Variants in TENM2 observed in about 807,000 individuals in gnomAD.
TENM2 encodes teneurin-2.
Under a neutral mutation model 245.2 loss-of-function variants are expected in TENM2, and 52 were observed. The observed-to-expected ratio is 0.21, with a 90% CI of 0.17 to 0.27. The LOEUF (loss-of-function observed/expected upper bound fraction) is 0.27, where lower values mean the gene tolerates loss of function less well. Among genes scored for constraint, TENM2 ranks in the 10% least tolerant of loss-of-function variants. The pLI is 1.00. For synonymous variants in TENM2, 1,363 were observed against 1,438.9 expected (o/e 0.95, Z 1.19); for missense variants, 3,046 against 3,666.8 (o/e 0.83, Z 4.37).
intron 2 of TENM2, among the ~76,000 whole-genome samples, chr5:167,730,480 G>A (rs1211182992): frequency 6.6e-6 from 1 of 152,150 alleles, no homozygotes; most frequent in African/African-American, 2.4e-5. Context: ...GTTGTAGGTG[G>A]TGGATCATGT....
At chr5:167,415,698 A>C (rs1157454554) in intron 2 of TENM2, among the ~76,000 whole-genome samples, 4 of 152,056 alleles carry the variant, frequency 2.6e-5, no homozygotes, top group Non-Finnish European at 2.9e-5. Context: ...TTTTGAAAAA[A>C]TTCTATGGTT....
chr5:168,130,104 A>G (rs1215835171), intron 12 of TENM2: 1 of 152,242 alleles, frequency 6.6e-6, no homozygotes, highest in East Asian at 1.9e-4. Flanking sequence ...AAAAAGAGAA[A>G]TGGGGAAAAA....
chr5:167,607,956 G>GT (rs927247189), intron 2 of TENM2, among the ~76,000 whole-genome samples: 5 of 151,882 alleles, frequency 3.3e-5, no homozygotes, highest in East Asian at 3.9e-4. Flanking sequence ...CTTTTACCCA[G>GT]TTTTTTTTCC....
chr5:167,434,468 T>C (rs1434756109), intron 2 of TENM2, among the ~76,000 whole-genome samples: 1 of 148,020 alleles, frequency 6.8e-6, no homozygotes, highest in African/African-American at 2.5e-5. Flanking sequence ...TAGGAAAACA[T>C]TTTTAAACTA....
chr5:167,735,722 C>T (rs1369272125), intron 2 of TENM2, among the ~76,000 whole-genome samples: 1 of 152,190 alleles, frequency 6.6e-6, no homozygotes, highest in Non-Finnish European at 1.5e-5. Flanking sequence ...TGGAGGATCA[C>T]TTGAGCCTAG....
At chr5:167,593,428 A>T (rs1212784800) in intron 2 of TENM2, among the ~76,000 whole-genome samples, 1 of 152,192 alleles carries the variant, frequency 6.6e-6, no homozygotes, top group Non-Finnish European at 1.5e-5. Context: ...TTTCTTATGA[A>T]CATAAATTCT....
At chr5:167,327,889 C>T (rs977727570) in intron 1 of TENM2, among the ~76,000 whole-genome samples, 1 of 152,100 alleles carries the variant, frequency 6.6e-6, no homozygotes, top group Admixed American at 6.6e-5. Context: ...TTCTGCAAAA[C>T]GAATTGACTC....
rs72645749 is a variant in TENM2 at position 167,330,114 on chromosome 5, A to T, written c.226+45051A>T. 0.013 allele frequency among the ~76,000 whole-genome samples: 2,052 copies of T among 152,234 alleles called. 190 individuals are homozygous for T. In the East Asian group the frequency reaches 0.23, roughly 17 times the overall value. Reference sequence around the variant, plus strand: ...TTGAGTATGTCATTTAACTTCTCTAAATGTTGTTTCCTTATAGTATAAAAG... The same window carrying T: ...TTGAGTATGTCATTTAACTTCTCTATATGTTGTTTCCTTATAGTATAAAAG... On this transcript the variant is annotated intron_variant, in intron 1 of 28. Transcript: ENST00000518659.
chr5:167,287,760 T>C (rs1754380596), intron 1 of TENM2: 5 of 152,280 alleles, frequency 3.3e-5, no homozygotes, highest in Admixed American at 2.6e-4. Context: ...CTTCTTCTAT[T>C]GTGGCTTCTT....
At chr5:168,047,062 T>C (rs562669359) in intron 5 of TENM2, among the ~76,000 whole-genome samples, 3 of 152,316 alleles carry the variant, frequency 2.0e-5, no homozygotes, top group African/African-American at 7.2e-5. Context: ...AAAGCAACTG[T>C]GTCCAGAGTG....
intron 2 of TENM2, among the ~76,000 whole-genome samples, chr5:167,799,594 C>T (rs1765559938): frequency 6.6e-6 from 1 of 152,106 alleles, no homozygotes; most frequent in African/African-American, 2.4e-5. Flanking sequence ...TTAGAAAAAG[C>T]TCTAATTAAG....
the TENM2 span, chr5:167,168,068 T>C: frequency 2.6e-5 from 4 of 152,210 alleles, no homozygotes; most frequent in African/African-American, 4.8e-5. Flanking sequence ...AAAATCAATC[T>C]GCCTGTTTTT....
chr5:167,053,980 C>T, the TENM2 span, among the ~76,000 whole-genome samples: 1 of 152,092 alleles, frequency 6.6e-6, no homozygotes. Context: ...CAATTTCTTC[C>T]ACTAGAACAT....
intron 2 of TENM2, among the ~76,000 whole-genome samples, chr5:167,683,140 A>G (rs1756845862): frequency 6.6e-6 from 1 of 152,110 alleles, no homozygotes; most frequent in Non-Finnish European, 1.5e-5. Flanking sequence ...TAGCAACTAC[A>G]CTTATTTCTT....
intron 2 of TENM2, among the ~76,000 whole-genome samples, chr5:167,596,699 GGCAGGAGAGT>G (rs1776237006): frequency 6.6e-6 from 1 of 151,624 alleles, no homozygotes; most frequent in Admixed American, 6.6e-5. Context: ...GGGAGGCTGA[GGCAGGAGAGT>G]GCTGTGAACC....
At chr5:167,326,354 G>A (rs866725575) in intron 1 of TENM2, among the ~76,000 whole-genome samples, 11 of 152,150 alleles carry the variant, frequency 7.2e-5, no homozygotes, top group Non-Finnish European at 1.2e-4. Context: ...GCCAAAAATC[G>A]TAGTAATTTT....
At chr5:167,481,517 T>C (rs1322783853) in intron 2 of TENM2, among the ~76,000 whole-genome samples, 2 of 152,346 alleles carry the variant, frequency 1.3e-5, no homozygotes, top group East Asian at 3.9e-4. Flanking sequence ...CACGGTTCTG[T>C]AGCTGCAACA....
chr5:167,738,270 G>A (rs1163785965), intron 2 of TENM2, among the ~76,000 whole-genome samples: 1 of 152,134 alleles, frequency 6.6e-6, no homozygotes, highest in African/African-American at 2.4e-5. Context: ...GCGTAGCATT[G>A]GGGGGCTGTT....
chr5:167,752,200 T>C (rs1240123164), intron 2 of TENM2, among the ~76,000 whole-genome samples: 2 of 151,510 alleles, frequency 1.3e-5, no homozygotes, highest in African/African-American at 4.9e-5. Flanking sequence ...GTTCAAGCAA[T>C]TCTCCTGCCT....
Sources: allele counts gnomAD v4.1 joint callset (sites outside exome capture counted in the v4.1 genomes callset), GRCh38; gene constraint gnomAD v4.1.1; transcripts MANE v1.5; gene names NCBI Gene and HGNC (gene_info 2026-07-23, HGNC 2026-07-21).